DACH2: variants seen among roughly 807,000 people sequenced by gnomAD.
DACH2 encodes dachshund family transcription factor 2, also known as dachshund homolog 2.
Under a neutral mutation model 35.8 loss-of-function variants are expected in DACH2, and 17 were observed. The ratio of observed to expected loss-of-function variants is 0.48; its 90% CI spans 0.33 to 0.71. DACH2 has a LOEUF of 0.71. DACH2 is among the 30% of genes least tolerant of loss of function. The pLI, the probability that DACH2 is intolerant of heterozygous loss-of-function variation, is 0.02. For synonymous variants in DACH2, 195 were observed against 177.3 expected (o/e 1.10, Z -0.79); for missense variants, 469 against 472.7 (o/e 0.99, Z 0.07).
At position 86,698,521 on chromosome X, in the gene DACH2, G is replaced by GTGTTTTTT. The variant is rs2041096546; in HGVS notation, c.931+3343_931+3344insGTTTTTTT. On this transcript the variant is annotated intron_variant, in intron 5 of 11. Coordinates refer to ENST00000373125, the MANE Select transcript of DACH2 (RefSeq NM_053281.3). ...CTTCTTTTTGTTTTGTTAGTTTTGT[G>GTGTTTTTT]TTTTTTTTTTTTTTTTTTTTTTTTT... 3.0e-4 allele frequency among the ~76,000 whole-genome samples: 10 copies of GTGTTTTTT among 32,957 alleles called. 1 individual carries two copies. Among genetic ancestry groups the GTGTTTTTT allele is most frequent in the African/African-American group, 1.5e-3 (10 of 6,892 alleles). The allele number at this position is 32,957 out of a possible 115,157, so 28.6% of individuals were successfully genotyped here.
At chrX:86,648,705 C>T (rs2040442670) in intron 3 of DACH2, among the ~76,000 whole-genome samples, 1 of 110,348 alleles carries the variant, frequency 9.1e-6, no homozygotes, top group Non-Finnish European at 1.9e-5. Flanking sequence ...AAACTTAGCT[C>T]CAAGCTCATC....
intron 2 of DACH2, among the ~76,000 whole-genome samples, chrX:86,413,628 CCTT>C (rs2036652043): frequency 9.0e-6 from 1 of 111,523 alleles, no homozygotes; most frequent in Non-Finnish European, 1.9e-5. Context: ...TGCAGTCCCT[CCTT>C]GGATGCTATA....
chrX:86,423,437 T>G (rs1311586349), intron 2 of DACH2, among the ~76,000 whole-genome samples: 1 of 111,632 alleles, frequency 9.0e-6, no homozygotes, highest in Admixed American at 9.5e-5. Flanking sequence ...TTTTCACCTT[T>G]TCATATGCCT....
chrX:86,488,100 A>G (rs767498112), intron 2 of DACH2, among the ~76,000 whole-genome samples: 3 of 112,013 alleles, frequency 2.7e-5, no homozygotes, highest in Non-Finnish European at 5.6e-5. Flanking sequence ...CAATGTTTCC[A>G]TTTATTGTTG....
chrX:86,476,981 C>A (rs1486000247), intron 2 of DACH2, among the ~76,000 whole-genome samples: 1 of 110,726 alleles, frequency 9.0e-6, no homozygotes, highest in Non-Finnish European at 1.9e-5. Flanking sequence ...TTATTGATTT[C>A]TAGTTTTATT....
chrX:86,453,986 C>A (rs1285072710), intron 2 of DACH2, among the ~76,000 whole-genome samples: 2 of 111,724 alleles, frequency 1.8e-5, no homozygotes, highest in Middle Eastern at 4.6e-3. Flanking sequence ...GTGATGAATT[C>A]TTTCAGAATT....
chrX:86,415,532 A>G (rs989875390), intron 2 of DACH2, among the ~76,000 whole-genome samples: 2 of 112,028 alleles, frequency 1.8e-5, no homozygotes, highest in Non-Finnish European at 3.8e-5. Flanking sequence ...TGAATTTTTT[A>G]TTTTAATTCA....
At chrX:86,519,523 C>T (rs1012125662) in intron 3 of DACH2, among the ~76,000 whole-genome samples, 1 of 111,330 alleles carries the variant, frequency 9.0e-6, no homozygotes, top group Non-Finnish European at 1.9e-5. Flanking sequence ...TCCAACAGAT[C>T]CCAGGTTTGT....
chrX:86,816,048 G>C lies in DACH2; in HGVS notation c.1699G>C (p.Asp567His), dbSNP rs2042448324. The C allele has an allele frequency of 8.5e-7, 1 of 1,183,060 alleles. No individual in the cohort carries two copies. Among genetic ancestry groups the C allele is most frequent in the Admixed American group, 2.3e-5 (1 of 42,842 alleles). Residue 567 changes from aspartate to histidine, a missense_variant, in exon 11 of 12, where the codon GAT (aspartate) becomes CAT (histidine). Physicochemically the swap from Asp to His is moderately conservative, Grantham distance 81. Coordinates refer to ENST00000373125, the MANE Select transcript of DACH2 (RefSeq NM_053281.3). ...LRMLKDTGIP[D>H]IEIENNGTPH... Reference sequence around the variant, plus strand: ...ATTTATTTCAGATACTGGAATTCCAGATATTGAAATAGAAAACAATGGGAC... The same window carrying C: ...ATTTATTTCAGATACTGGAATTCCACATATTGAAATAGAAAACAATGGGAC...
rs1200430286 is a variant in DACH2, at chrX:86,223,629, C to T, written c.488+74521C>T. On this transcript the variant is annotated intron_variant, in intron 1 of 11. Transcript: ENST00000373125. ...TGCTAGATTAAACAAAACCCTCTTT[C>T]TTACACCAGAAAACGGAATTGGAAG... 2.7e-5 allele frequency among the ~76,000 whole-genome samples: 3 copies of T among 111,899 alleles called. No individual in the cohort carries two copies. In the East Asian group the frequency reaches 8.4e-4, roughly 32 times the overall value.
chrX:86,367,638 G>A (rs956383692), intron 1 of DACH2, among the ~76,000 whole-genome samples: 1 of 111,277 alleles, frequency 9.0e-6, no homozygotes, highest in Admixed American at 9.6e-5. Context: ...TCTCGAGAGG[G>A]GAAGTAATTT....
chrX:86,797,614 G>T (rs1443514694), intron 7 of DACH2, among the ~76,000 whole-genome samples: 1 of 111,366 alleles, frequency 9.0e-6, no homozygotes, highest in African/African-American at 3.3e-5. Context: ...GGTCGAATTT[G>T]CCAGGAAAAA....
At chrX:86,559,705 T>C in intron 3 of DACH2, among the ~76,000 whole-genome samples, 1 of 24,715 alleles carries the variant, frequency 4.0e-5, no homozygotes. Context: ...TGGCCTTCTT[T>C]GTCTCTTTTG....
intron 1 of DACH2, among the ~76,000 whole-genome samples, chrX:86,204,978 C>A (rs2032248790): frequency 9.0e-6 from 1 of 111,658 alleles, no homozygotes; most frequent in Non-Finnish European, 1.9e-5. Flanking sequence ...TTTAAAGTAA[C>A]AAATATAAAT....
At chrX:86,409,589 C>A (rs989721037) in intron 2 of DACH2, among the ~76,000 whole-genome samples, 2 of 110,966 alleles carry the variant, frequency 1.8e-5, no homozygotes, top group Non-Finnish European at 3.8e-5. Flanking sequence ...TACCTGCTCC[C>A]CCTTTGCCAT....
intron 1 of DACH2, chrX:86,161,456 C>A (rs753337750): frequency 2.0e-5 from 8 of 404,306 alleles, no homozygotes; most frequent in Non-Finnish European, 2.8e-5. Context: ...GTTCAGAACC[C>A]CTAAATAACC....
In DACH2 at chrX:86,756,131, G is replaced by T. The variant is rs184155866; in HGVS notation, c.1240+16249G>T. ...TTATACCAAATACCATGCTGTTTTG[G>T]CTACTATAGCCTTGTAATATATTTT... On this transcript the variant is annotated intron_variant, in intron 7 of 11. Coordinates refer to ENST00000373125, the MANE Select transcript of DACH2 (RefSeq NM_053281.3). Among the ~76,000 whole-genome samples, 4 of 111,079 alleles carry T rather than the reference G, an allele frequency of 3.6e-5. No individual in the cohort carries two copies. In the East Asian group the frequency reaches 1.1e-3, roughly 31 times the overall value.
At position 86,677,672 on chromosome X, in the gene DACH2, A is replaced by T. The variant is rs192687900; in HGVS notation, c.773-17349A>T. Among the ~76,000 whole-genome samples, 3 of 112,216 alleles carry T rather than the reference A, an allele frequency of 2.7e-5. No homozygotes were observed. In the East Asian group the frequency reaches 8.4e-4, roughly 32 times the overall value. On this transcript the variant is annotated intron_variant, in intron 4 of 11. Transcript: ENST00000373125. Reference sequence around the variant, plus strand: ...ACTTTACCAAACAACTAACTGAGTTATCAGAAGTGAAAAGTGAATTCTCAA... The same window carrying T: ...ACTTTACCAAACAACTAACTGAGTTTTCAGAAGTGAAAAGTGAATTCTCAA...
intron 1 of DACH2, among the ~76,000 whole-genome samples, chrX:86,197,106 T>C (rs1179051843): frequency 3.6e-5 from 4 of 111,839 alleles, no homozygotes; most frequent in Non-Finnish European, 7.5e-5. Context: ...TTGCCAATAT[T>C]CAACATTCTT....
Sources: allele counts gnomAD v4.1 joint callset (sites outside exome capture counted in the v4.1 genomes callset), GRCh38; gene constraint gnomAD v4.1.1; transcripts MANE v1.5; gene names NCBI Gene and HGNC (gene_info 2026-07-23, HGNC 2026-07-21).